NALF1: variants seen among roughly 807,000 people sequenced by gnomAD.
NALF1 encodes the protein NALCN channel auxiliary factor 1.
Under a neutral mutation model 48.4 loss-of-function variants are expected in NALF1, and 3 were observed. That is an observed-to-expected ratio of 0.06 (90% CI 0.03 to 0.16). The LOEUF (loss-of-function observed/expected upper bound fraction) is 0.16. Among genes scored for constraint, NALF1 ranks in the 10% least tolerant of loss-of-function variants. NALF1 has a pLI of 1.00. For synonymous variants in NALF1, 262 were observed against 245.7 expected, an observed-to-expected ratio of 1.07 and a Z score of -0.62; for missense variants, 526 against 571.5, an observed-to-expected ratio of 0.92 and a Z score of 0.81.
intron 1 of NALF1, among the ~76,000 whole-genome samples, chr13:107,580,530 C>A (rs1393432829): frequency 2.6e-5 from 4 of 152,100 alleles, no homozygotes; most frequent in African/African-American, 9.7e-5. Flanking sequence ...TGCATGACAT[C>A]AGCACCCACT....
intron 1 of NALF1, among the ~76,000 whole-genome samples, chr13:107,658,072 T>C (rs1040001301): frequency 3.3e-5 from 5 of 152,202 alleles, no homozygotes; most frequent in African/African-American, 1.2e-4. Context: ...ATGCCGATTG[T>C]TGGTCTGACA....
chr13:107,387,943 A>G (rs1883558083), intron 1 of NALF1, among the ~76,000 whole-genome samples: 1 of 152,046 alleles, frequency 6.6e-6, no homozygotes, highest in African/African-American at 2.4e-5. Context: ...CTTCATTCTC[A>G]CTCATTAAAA....
intron 1 of NALF1, among the ~76,000 whole-genome samples, chr13:107,509,426 G>T (rs964448704): frequency 6.6e-6 from 1 of 152,070 alleles, no homozygotes; most frequent in Non-Finnish European, 1.5e-5. Context: ...AATGATTTTT[G>T]TAGCAAAAGA....
intron 1 of NALF1, among the ~76,000 whole-genome samples, chr13:107,650,596 GAAAGGGAAAAAAACTGC>G (rs1294248870): frequency 1.3e-5 from 2 of 151,776 alleles, no homozygotes; most frequent in Non-Finnish European, 2.9e-5. Context: ...GAAGAGAGGG[GAAAGGGAAAAAAACTGC>G]AAATATGGTG....
intron 1 of NALF1, among the ~76,000 whole-genome samples, chr13:107,622,449 A>T (rs1594166447): frequency 9.0e-6 from 1 of 110,782 alleles, no homozygotes; most frequent in African/African-American, 2.7e-5. Context: ...CAAAAAAACA[A>T]ACAAACAAAC....
Position 107,739,843 on chromosome 13 carries a change from C to T in NALF1, c.915+125839G>A, listed in dbSNP as rs367821696. 1.4e-4 allele frequency among the ~76,000 whole-genome samples: 21 copies of T among 152,254 alleles called. No homozygotes were observed. In the East Asian group the frequency reaches 1.7e-3, roughly 13 times the overall value. On this transcript the variant is annotated intron_variant, in intron 1 of 2. Coordinates refer to ENST00000375915, the MANE Select transcript of NALF1 (RefSeq NM_001080396.3). ...TGGCAGCATCAGATGCACATAGAAG[C>T]GCAAACCCTATTGTAAACTGCACAT...
At chr13:107,288,594 C>T (rs1881551781) in intron 1 of NALF1, among the ~76,000 whole-genome samples, 1 of 145,962 alleles carries the variant, frequency 6.9e-6, no homozygotes, top group Non-Finnish European at 1.5e-5. Flanking sequence ...TGCAATGGTG[C>T]GATCTCTGCT....
In NALF1 at chr13:107,599,684, T is replaced by G. The variant is rs142465933; in HGVS notation, c.915+265998A>C. Among the ~76,000 whole-genome samples the G allele has an allele frequency of 1.6e-3, 242 of 152,346 alleles. 1 individual carries two copies. Among genetic ancestry groups the G allele is most frequent in the African/African-American group, 5.5e-3 (228 of 41,590 alleles). Reference sequence around the variant, plus strand: ...AGTGAAGTTGAACACTATTTTATGTTCTCTTGTTTCTGTTTTGCCTATCCA... The same window carrying G: ...AGTGAAGTTGAACACTATTTTATGTGCTCTTGTTTCTGTTTTGCCTATCCA... On this transcript the variant is annotated intron_variant, in intron 1 of 2. Transcript: ENST00000375915.
chr13:107,835,200 G>C (rs1016355932), intron 1 of NALF1, among the ~76,000 whole-genome samples: 3 of 152,184 alleles, frequency 2.0e-5, no homozygotes, highest in Non-Finnish European at 4.4e-5. Context: ...GGTACCAGGA[G>C]CCTAGAAGAG....
intron 1 of NALF1, among the ~76,000 whole-genome samples, chr13:107,852,361 C>T (rs1320767502): frequency 6.6e-6 from 1 of 152,156 alleles, no homozygotes; most frequent in African/African-American, 2.4e-5. Flanking sequence ...AATAACAGCA[C>T]TCAAATTAAG....
At chr13:107,371,745 A>C (rs529080387) in intron 1 of NALF1, among the ~76,000 whole-genome samples, 1 of 152,338 alleles carries the variant, frequency 6.6e-6, no homozygotes, top group Non-Finnish European at 1.5e-5. Flanking sequence ...GAGATCAAAA[A>C]GATTAGTAAT....
intron 1 of NALF1, among the ~76,000 whole-genome samples, chr13:107,701,718 T>C (rs921493400): frequency 9.9e-5 from 15 of 152,178 alleles, no homozygotes; most frequent in African/African-American, 3.6e-4. Context: ...TTTTGTTAAG[T>C]AAGTAGATTT....
At chr13:107,311,415 G>C (rs1882043006) in intron 1 of NALF1, among the ~76,000 whole-genome samples, 2 of 152,006 alleles carry the variant, frequency 1.3e-5, no homozygotes, top group African/African-American at 4.8e-5. Context: ...CAGTATCTCA[G>C]AACTTTAAAA....
intron 1 of NALF1, among the ~76,000 whole-genome samples, chr13:107,241,001 G>A (rs539871087): frequency 6.9e-6 from 1 of 144,728 alleles, no homozygotes; most frequent in East Asian, 2.0e-4. Flanking sequence ...ATCACCTGAG[G>A]TCAGGAGTTT....
intron 1 of NALF1, among the ~76,000 whole-genome samples, chr13:107,390,753 T>G (rs1264678542): frequency 6.6e-6 from 1 of 152,090 alleles, no homozygotes; most frequent in East Asian, 1.9e-4. Context: ...TAAAGTAAAT[T>G]GCCAGACTTC....
chr13:107,236,877 A>C (rs1880361692), intron 1 of NALF1, among the ~76,000 whole-genome samples: 1 of 152,196 alleles, frequency 6.6e-6, no homozygotes, highest in African/African-American at 2.4e-5. Flanking sequence ...TTCCCTAAAC[A>C]ACATAGCATA....
At chr13:107,688,061 A>C (rs1305998203) in intron 1 of NALF1, among the ~76,000 whole-genome samples, 1 of 152,258 alleles carries the variant, frequency 6.6e-6, no homozygotes, top group East Asian at 1.9e-4. Context: ...CACTACTACT[A>C]TTATTAATTA....
chr13:107,349,243 G>T (rs369972925), intron 1 of NALF1, among the ~76,000 whole-genome samples: 8 of 152,118 alleles, frequency 5.3e-5, no homozygotes, highest in African/African-American at 1.9e-4. Context: ...CCCACCTGGT[G>T]TCCTTTGCTG....
chr13:107,179,265 A>T (rs1748791966), intron 2 of NALF1, among the ~76,000 whole-genome samples: 1 of 152,218 alleles, frequency 6.6e-6, no homozygotes. Flanking sequence ...CCAGGCACAG[A>T]AAGAAAAACT....
Sources: allele counts gnomAD v4.1 joint callset (sites outside exome capture counted in the v4.1 genomes callset), GRCh38; gene constraint gnomAD v4.1.1; transcripts MANE v1.5; gene names NCBI Gene and HGNC (gene_info 2026-07-23, HGNC 2026-07-21).